The following HAUS8 variants were observed in gnomAD, a reference collection of about 807,000 sequenced individuals.
The protein encoded by HAUS8 is HAUS augmin-like complex subunit 8.
HAUS8 carries 38 observed loss-of-function variants against 42.9 expected under a neutral mutation model. The observed-to-expected ratio is 0.89, with a 90% CI of 0.68 to 1.16. The LOEUF (loss-of-function observed/expected upper bound fraction) is 1.16, where lower values mean the gene tolerates loss of function less well. Ranked by LOEUF, HAUS8 falls within the 50% of genes most tolerant of loss-of-function variation. The pLI is 0.00. For missense variants in HAUS8, 494 were observed against 511.6 expected (o/e 0.97, Z 0.33); for synonymous variants, 199 against 205.8 (o/e 0.97, Z 0.28).
Position 17,052,822 on chromosome 19 carries a change from T to C in HAUS8, c.929+3A>G. 1 of 1,613,772 alleles carries C rather than the reference T, an allele frequency of 6.2e-7. No individual in the cohort carries two copies. The highest frequency in any genetic ancestry group is 8.5e-7 in the Non-Finnish European group (1 of 1,179,760). ...CTCTTTCTTAAAGCATTTTCCGAGG[T>C]ACCTTCGGAGCTCAAGGTCCTTTTT... On this transcript the variant is annotated splice_donor_region_variant and intron_variant, in intron 10 of 10. Transcript: ENST00000253669.
chr19:17,058,087 A>G (rs1184898394), intron 8 of HAUS8, among the ~76,000 whole-genome samples: 3 of 152,356 alleles, frequency 2.0e-5, no homozygotes, highest in Admixed American at 2.0e-4. Flanking sequence ...ACTCTGTCCC[A>G]GCAACCACAG....
rs766706810 is a variant in HAUS8 at position 17,060,081 on chromosome 19, C to T, written c.241G>A (p.Gly81Arg). The T allele has an allele frequency of 6.2e-7, 1 of 1,610,014 alleles. No homozygotes were observed. Among genetic ancestry groups the T allele is most frequent in the South Asian group, 1.1e-5 (1 of 90,964 alleles). Residue 81 changes from glycine (G) to arginine (R), a missense_variant, in exon 5 of 11, where the codon GGG becomes AGG. By Grantham distance (125) the Gly-to-Arg change is moderately radical. Coordinates refer to ENST00000253669, the MANE Select transcript of HAUS8 (RefSeq NM_033417.2). ...LLQKSKADSS[G>R]VGKGDLQSTL... ...GACTGCAGGTCACCCTTTCCGACCC[C>T]ACTGCTATCTGCTGTTAAGAAAAGA...
chr19:17,069,337 A>G lies in HAUS8; in HGVS notation c.92-251T>C, dbSNP rs10404849. ...ACAGAGTTCCTGAGGAAGTAAGATC[A>G]AGGAACACCCTCCAAGGTCAAAGCT... On this transcript the variant is annotated intron_variant, in intron 2 of 10. Coordinates refer to ENST00000253669, the MANE Select transcript of HAUS8 (RefSeq NM_033417.2). 7.4e-3 allele frequency among the ~76,000 whole-genome samples: 1,119 copies of G among 152,086 alleles called. 10 individuals are homozygous for G. The highest frequency in any genetic ancestry group is 0.026 in the African/African-American group (1,072 of 41,466).
chr19:17,073,048 T>C (rs1239531461), intron 2 of HAUS8, among the ~76,000 whole-genome samples: 1 of 151,072 alleles, frequency 6.6e-6, no homozygotes, highest in Non-Finnish European at 1.5e-5. Flanking sequence ...ACACAGCCCA[T>C]GACCCCCATG....
intron 9 of HAUS8, chr19:17,055,144 ATATATATATATATATATAT>A (rs1280266004): frequency 3.4e-3 from 8 of 2,380 alleles, no homozygotes; most frequent in Non-Finnish European, 4.3e-3. Flanking sequence ...AAAAAAAAAA[ATATATATATATATATATAT>A]ATATATATAT....
At chr19:17,063,390 T>G (rs1431216725) in intron 3 of HAUS8, among the ~76,000 whole-genome samples, 1 of 152,172 alleles carries the variant, frequency 6.6e-6, no homozygotes, top group African/African-American at 2.4e-5. Context: ...CCACTCTCAT[T>G]CAATATCACA....
At chr19:17,073,470 G>A (rs938247416) in intron 1 of HAUS8, 135 bp from the exon 2 acceptor site, 26 of 806,172 alleles carry the variant, frequency 3.2e-5, no homozygotes, top group Non-Finnish European at 5.2e-5. Context: ...AGTGAGGGTG[G>A]GCCACCTCAA....
intron 10 of HAUS8, among the ~76,000 whole-genome samples, chr19:17,050,496 A>G (rs779962429): frequency 1.3e-5 from 2 of 152,200 alleles, no homozygotes; most frequent in Non-Finnish European, 2.9e-5. Flanking sequence ...GTGGGATTGA[A>G]GTGCTGTAAT....
chr19:17,067,106 G>A (rs747058970), intron 3 of HAUS8, among the ~76,000 whole-genome samples: 5 of 151,574 alleles, frequency 3.3e-5, no homozygotes, highest in Non-Finnish European at 5.9e-5. Context: ...TCGGGAGGCT[G>A]AGGAAGGAGA....
At chr19:17,061,133 CT>C (rs5827355) in intron 4 of HAUS8, among the ~76,000 whole-genome samples, 139,113 of 140,972 alleles carry the variant, frequency 0.99, 68,658 homozygotes, top group African/African-American at 1. Context: ...TGGAAATTTT[CT>C]TTTTTTTTTT....
chr19:17,059,507 T>C (rs766605743), intron 6 of HAUS8, 50 bp downstream of exon 6: 39 of 1,296,778 alleles, frequency 3.0e-5, no homozygotes, highest in Non-Finnish European at 3.9e-5. Context: ...GGACTCTAAA[T>C]CAGATCTATG....
At chr19:17,054,521 G>T (rs948898257) in intron 9 of HAUS8, among the ~76,000 whole-genome samples, 1 of 151,774 alleles carries the variant, frequency 6.6e-6, no homozygotes, top group East Asian at 1.9e-4. Flanking sequence ...AGCCAGGTGC[G>T]CCAGGAGCAG....
chr19:17,065,802 C>G (rs150279707), intron 3 of HAUS8, among the ~76,000 whole-genome samples: 1 of 145,108 alleles, frequency 6.9e-6, no homozygotes, highest in African/African-American at 2.6e-5. Flanking sequence ...CCAGACTGGG[C>G]GACAGAGCGA....
rs369608014 is a variant in HAUS8, at chr19:17,058,727, A to C, written c.487-20T>G. The stretch of plus-strand genomic sequence containing the variant: ...CTCCATCTGTTAAATGTGAAAGAAA[A>C]GCTCAAGCAGGTGGGGACTCCCTCC... On this transcript the variant is annotated intron_variant, in intron 7 of 10. Coordinates refer to ENST00000253669, the MANE Select transcript of HAUS8 (RefSeq NM_033417.2). 1.9e-6 allele frequency: 3 copies of C among 1,602,952 alleles called. No homozygotes were observed. The African/African-American group carries it at 4.0e-5, about 22-fold the overall frequency.
At chr19:17,063,326 C>G (rs2057371640) in intron 3 of HAUS8, among the ~76,000 whole-genome samples, 1 of 152,128 alleles carries the variant, frequency 6.6e-6, no homozygotes, top group South Asian at 2.1e-4. Flanking sequence ...ACCACTGCAC[C>G]CCATCCTGGG....
intron 3 of HAUS8, 84 bp from the exon 4 acceptor site, chr19:17,062,863 C>A: frequency 3.1e-6 from 3 of 971,490 alleles, no homozygotes; most frequent in Non-Finnish European, 3.3e-6. Context: ...CACTGTGTTT[C>A]GTAACTGCTC....
intron 4 of HAUS8, among the ~76,000 whole-genome samples, chr19:17,061,643 C>T (rs1462248362): frequency 1.3e-5 from 2 of 152,184 alleles, no homozygotes; most frequent in Non-Finnish European, 2.9e-5. Context: ...TCCTTCCTTG[C>T]GGTGGTGGGG....
intron 1 of HAUS8, chr19:17,073,958 CGCCAT>C (rs1220382646): frequency 6.6e-6 from 1 of 152,114 alleles, no homozygotes; most frequent in African/African-American, 2.4e-5. Flanking sequence ...GCCAAGATCA[CGCCAT>C]TGCACTCCAG....
At chr19:17,058,770 C>A in intron 7 of HAUS8, 41 bp downstream of exon 7, 1 of 1,605,192 alleles carries the variant, frequency 6.2e-7, no homozygotes, top group Non-Finnish European at 8.5e-7. Context: ...TGGAGGCCAC[C>A]CTTCCATCCA....
Sources: gnomAD v4.1 joint callset for allele counts (sites outside exome capture counted in the v4.1 genomes callset) on GRCh38, gnomAD v4.1.1 for gene constraint, MANE v1.5 for transcripts, NCBI Gene and HGNC (gene_info 2026-07-23, HGNC 2026-07-21) for gene names.